The following CTNNA2 variants were observed in gnomAD, a reference collection of about 807,000 sequenced individuals.
CTNNA2 encodes the protein catenin alpha-2.
In CTNNA2, 42 loss-of-function variants were observed where a neutral mutation model predicts 101.0. That is an observed-to-expected ratio of 0.42 (90% CI 0.32 to 0.54). The LOEUF (loss-of-function observed/expected upper bound fraction) is 0.54, where lower values mean the gene tolerates loss of function less well. Ranked by LOEUF, CTNNA2 falls within the 20% of genes least tolerant of loss-of-function variation. The pLI, the probability that CTNNA2 is intolerant of heterozygous loss-of-function variation, is 0.14. For missense variants in CTNNA2, 871 were observed against 1,223.1 expected, an observed-to-expected ratio of 0.71 and a Z score of 4.29; for synonymous variants, 450 against 456.4, an observed-to-expected ratio of 0.99 and a Z score of 0.18.
chr2:79,433,837 CAATT>C (rs1369570757), intron 4 of CTNNA2, among the ~76,000 whole-genome samples: 1 of 152,098 alleles, frequency 6.6e-6, no homozygotes, highest in Non-Finnish European at 1.5e-5. Context: ...AGAGCTATGA[CAATT>C]CATTCATCAG....
chr2:79,789,468 A>G (rs7600023), intron 3 of CTNNA2, among the ~76,000 whole-genome samples: 26,800 of 151,960 alleles, frequency 0.18, 4,142 homozygotes, highest in African/African-American at 0.4. Context: ...GGCTTATGGG[A>G]AGACAAATGA....
Position 79,864,991 on chromosome 2 carries a change from T to C in CTNNA2, c.466-4825T>C, listed in dbSNP as rs150071974. On this transcript the variant is annotated intron_variant, in intron 4 of 18. Transcript: ENST00000402739. Reference sequence around the variant, plus strand: ...ACACTATCTTGTATATCAGAAGAACTCAATGACACTGGTGTCATTTTTTTT... The same window carrying C: ...ACACTATCTTGTATATCAGAAGAACCCAATGACACTGGTGTCATTTTTTTT... 8.7e-4 allele frequency among the ~76,000 whole-genome samples: 132 copies of C among 151,680 alleles called. 1 individual carries two copies. Among genetic ancestry groups the C allele is most frequent in the African/African-American group, 3.1e-3 (130 of 41,440 alleles).
At chr2:80,442,833 C>T (rs966075109) in intron 9 of CTNNA2, among the ~76,000 whole-genome samples, 1 of 152,208 alleles carries the variant, frequency 6.6e-6, no homozygotes, top group Non-Finnish European at 1.5e-5. Context: ...CCATCATCCT[C>T]GTCTTCTTTT....
intron 7 of CTNNA2, among the ~76,000 whole-genome samples, chr2:80,001,872 G>C (rs1692974652): frequency 6.6e-6 from 1 of 152,142 alleles, no homozygotes; most frequent in South Asian, 2.1e-4. Context: ...TTTTTGAAAA[G>C]TTTAAAAACC....
At chr2:79,657,534 T>A (rs544788877) in intron 2 of CTNNA2, among the ~76,000 whole-genome samples, 1 of 152,030 alleles carries the variant, frequency 6.6e-6, no homozygotes, top group Non-Finnish European at 1.5e-5. Context: ...CTTTAAATGA[T>A]TCCAACCATA....
intron 3 of CTNNA2, among the ~76,000 whole-genome samples, chr2:79,369,990 T>C (rs1415567137): frequency 6.6e-6 from 1 of 152,200 alleles, no homozygotes. Context: ...ATTTTACTAC[T>C]GTCAATCTAA....
intron 2 of CTNNA2, among the ~76,000 whole-genome samples, chr2:79,235,675 C>T (rs1325840142): frequency 6.6e-6 from 1 of 152,136 alleles, no homozygotes; most frequent in African/African-American, 2.4e-5. Flanking sequence ...AGAGTAAGGG[C>T]TTGCCACTGC....
intron 3 of CTNNA2, among the ~76,000 whole-genome samples, chr2:79,348,664 G>A (rs997978847): frequency 3.9e-5 from 6 of 152,168 alleles, no homozygotes; most frequent in Non-Finnish European, 5.9e-5. Flanking sequence ...TACCTAGGTC[G>A]CAGAGATTCC....
chr2:79,583,804 T>A (rs1277825390), intron 1 of CTNNA2, among the ~76,000 whole-genome samples: 1 of 152,210 alleles, frequency 6.6e-6, no homozygotes, highest in Non-Finnish European at 1.5e-5. Flanking sequence ...TATAGTGTCC[T>A]TGCTTTTCGT....
At chr2:79,589,229 C>T (rs1676689631) in intron 1 of CTNNA2, among the ~76,000 whole-genome samples, 1 of 152,154 alleles carries the variant, frequency 6.6e-6, no homozygotes, top group Admixed American at 6.5e-5. Context: ...CAAGGCAGTC[C>T]ACCAGAAGTG....
At chr2:79,577,674 C>T (rs1280022887) in intron 1 of CTNNA2, among the ~76,000 whole-genome samples, 3 of 151,920 alleles carry the variant, frequency 2.0e-5, no homozygotes, top group Non-Finnish European at 4.4e-5. Context: ...GTGACTTTTT[C>T]CTCCCATGAT....
intron 7 of CTNNA2, among the ~76,000 whole-genome samples, chr2:80,290,727 GA>G (rs1338152500): frequency 6.6e-6 from 1 of 151,982 alleles, no homozygotes; most frequent in Non-Finnish European, 1.5e-5. Context: ...ACCCACATAA[GA>G]AACAATGTTT....
intron 4 of CTNNA2, chr2:79,498,036 G>A (rs1438020993): frequency 6.6e-6 from 1 of 152,182 alleles, no homozygotes; most frequent in African/African-American, 2.4e-5. Flanking sequence ...GGAAAAGGAA[G>A]ACTGATAAAT....
intron 2 of CTNNA2, among the ~76,000 whole-genome samples, chr2:79,683,672 C>G (rs1194404606): frequency 1.3e-5 from 2 of 152,192 alleles, no homozygotes; most frequent in Non-Finnish European, 2.9e-5. Flanking sequence ...CAGGTTAGTT[C>G]CCTTTGTTCA....
At chr2:79,236,559 G>T (rs996028350) in intron 2 of CTNNA2, among the ~76,000 whole-genome samples, 2 of 152,172 alleles carry the variant, frequency 1.3e-5, no homozygotes, top group Non-Finnish European at 2.9e-5. Context: ...TTCTACAAAA[G>T]ATTTCTCTCT....
At chr2:80,404,354 T>A (rs1236486152) in intron 8 of CTNNA2, among the ~76,000 whole-genome samples, 6 of 152,136 alleles carry the variant, frequency 3.9e-5, no homozygotes, top group Non-Finnish European at 1.5e-5. Context: ...AGCTCCTGGA[T>A]TTGTTGATTT....
chr2:79,316,328 C>T (rs1395525321), intron 3 of CTNNA2, among the ~76,000 whole-genome samples: 1 of 152,000 alleles, frequency 6.6e-6, no homozygotes, highest in South Asian at 2.1e-4. Flanking sequence ...ATGCCTGTAC[C>T]ACACTACTTT....
intron 7 of CTNNA2, among the ~76,000 whole-genome samples, chr2:80,207,072 C>T (rs532001942): frequency 9.2e-5 from 14 of 152,268 alleles, no homozygotes; most frequent in Admixed American, 7.8e-4. Flanking sequence ...TCTGAGGCTA[C>T]GTTTCTTCCC....
At chr2:80,097,663 C>G (rs1700243481) in intron 7 of CTNNA2, among the ~76,000 whole-genome samples, 1 of 152,196 alleles carries the variant, frequency 6.6e-6, no homozygotes, top group Admixed American at 6.5e-5. Flanking sequence ...TAGATTTGGT[C>G]TTTTCACAGA....
Sources: allele counts gnomAD v4.1 joint callset (sites outside exome capture counted in the v4.1 genomes callset), GRCh38; gene constraint gnomAD v4.1.1; transcripts MANE v1.5; gene names NCBI Gene and HGNC (gene_info 2026-07-23, HGNC 2026-07-21).